Variants in TIMP4 observed in about 807,000 individuals in gnomAD.
The protein encoded by TIMP4 is metalloproteinase inhibitor 4.
Under a neutral mutation model 27.3 loss-of-function variants are expected in TIMP4, and 28 were observed. That is an observed-to-expected ratio of 1.03 (90% CI 0.76 to 1.41). The LOEUF is 1.41. Among genes scored for constraint, TIMP4 ranks in the 40% most tolerant of loss-of-function variants. TIMP4 has a pLI of 0.00. For missense variants in TIMP4, 307 were observed against 285.5 expected (o/e 1.08, Z -0.54); for synonymous variants, 138 against 115.5 (o/e 1.20, Z -1.25).
Position 12,154,378 on chromosome 3 carries a change from C to T in TIMP4, c.426G>A (p.Leu142=), listed in dbSNP as rs1559443250. The change falls in exon 4 of 5, where the codon TTG becomes TTA. Residue 142 remains leucine, a synonymous_variant. Transcript: ENST00000287814. ...GATGATTCAGACTTTCCCTCTGCAC[C>T]AAGGACAGGTCCTCCCAGGGCTCGA... The part of the protein sequence containing the change: ...NYIEPWEDLS[L]VQRESLNHHY... 1 of 1,614,180 alleles carries T rather than the reference C, an allele frequency of 6.2e-7. No homozygotes were observed. Among genetic ancestry groups the T allele is most frequent in the Non-Finnish European group, 8.5e-7 (1 of 1,180,032 alleles).
intron 4 of TIMP4, 31 bp from the exon 5 acceptor site, chr3:12,153,743 A>G (rs1413056686): frequency 6.2e-7 from 1 of 1,610,114 alleles, no homozygotes; most frequent in African/African-American, 1.3e-5. Flanking sequence ...CATTAAAGTG[A>G]GTAGGGTGTC....
chr3:12,155,299 G>T (rs1328660771), intron 3 of TIMP4, among the ~76,000 whole-genome samples: 4 of 152,334 alleles, frequency 2.6e-5, no homozygotes, highest in East Asian at 1.9e-4. Flanking sequence ...TTACACTATT[G>T]TGTGGTTCTA....
chr3:12,155,174 T>C (rs889022108), intron 3 of TIMP4, among the ~76,000 whole-genome samples: 1 of 152,224 alleles, frequency 6.6e-6, no homozygotes, highest in Non-Finnish European at 1.5e-5. Context: ...CTCAATCATT[T>C]ACTCACTGAG....
intron 2 of TIMP4, 72 bp downstream of exon 2, chr3:12,157,313 C>G (rs1179731478): frequency 8.3e-6 from 12 of 1,438,810 alleles, no homozygotes; most frequent in Non-Finnish European, 1.2e-5. Flanking sequence ...AAGCTACCAG[C>G]CCTCCCAGAA....
intron 4 of TIMP4, 83 bp downstream of exon 4, chr3:12,154,244 G>A: frequency 1.9e-6 from 3 of 1,584,008 alleles, no homozygotes; most frequent in Non-Finnish European, 1.7e-6. Context: ...GTATAGTCTA[G>A]TAAGTGAATA....
At chr3:12,157,265 G>A (rs1289962547) in intron 2 of TIMP4, 120 bp downstream of exon 2, 3 of 880,328 alleles carry the variant, frequency 3.4e-6, no homozygotes, top group African/African-American at 1.7e-5. Flanking sequence ...TTCCACTTCA[G>A]TATCTAGACC....
At chr3:12,154,190 T>G (rs1697384477) in intron 4 of TIMP4, 137 bp downstream of exon 4, 1 of 1,315,606 alleles carries the variant, frequency 7.6e-7, no homozygotes, top group African/African-American at 1.5e-5. Context: ...GCCTATAGAC[T>G]GTATTGCTTT....
At chr3:12,153,813 C>T in intron 4 of TIMP4, 101 bp from the exon 5 acceptor site, 1 of 1,273,822 alleles carries the variant, frequency 7.9e-7, no homozygotes, top group Non-Finnish European at 1.1e-6. Flanking sequence ...ATCTCAAATG[C>T]CCCCTATCTT....
rs749576647 is a variant in TIMP4 at position 12,157,453 on chromosome 3, C to G, written c.169G>C (p.Val57Leu). ...VIRAKISSEK[V>L]VPASADPADT... ...GCAGGGTCTGCACTGGCCGGAACTA[C>G]CTTCTCACTGGAGATTTTGGCCCGA... The change falls in exon 2 of 5, where the codon GTA becomes CTA. Residue 57 changes from valine to leucine, a missense_variant. Physicochemically the swap from Val to Leu is conservative, Grantham distance 32. Coordinates refer to ENST00000287814, the MANE Select transcript of TIMP4 (RefSeq NM_003256.4). 6.2e-7 allele frequency: 1 copy of G among 1,614,188 alleles called. No individual in the cohort carries two copies. Among genetic ancestry groups the G allele is most frequent in the South Asian group, 1.1e-5 (1 of 91,084 alleles).
At chr3:12,158,077 G>T (rs1697510199) in intron 1 of TIMP4, among the ~76,000 whole-genome samples, 1 of 152,102 alleles carries the variant, frequency 6.6e-6, no homozygotes, top group African/African-American at 2.4e-5. Flanking sequence ...TGATCTAGTG[G>T]AGTGCACACG....
intron 4 of TIMP4, 43 bp downstream of exon 4, chr3:12,154,284 C>T (rs1280688964): frequency 1.9e-6 from 3 of 1,613,494 alleles, no homozygotes; most frequent in Admixed American, 3.3e-5. Flanking sequence ...GCTCAGAACC[C>T]TTCCCCCATC....
intron 3 of TIMP4, among the ~76,000 whole-genome samples, chr3:12,155,699 A>C (rs6801376): frequency 1.3e-5 from 2 of 152,036 alleles, no homozygotes; most frequent in Non-Finnish European, 2.9e-5. Flanking sequence ...TTCTTAGACT[A>C]TTTTTTGTCA....
chr3:12,158,686 C>G lies in TIMP4; in HGVS notation c.139+16G>C. ...CAACCACCCCCTGCTGTGGACCTCG[C>G]GGACCTCGGACTCACCAAGTGCCGA... On this transcript the variant is annotated intron_variant, in intron 1 of 4. Coordinates refer to ENST00000287814, the MANE Select transcript of TIMP4 (RefSeq NM_003256.4). 1 of 1,609,096 alleles carries G rather than the reference C, an allele frequency of 6.2e-7. No homozygotes were observed. The highest frequency in any genetic ancestry group is 8.5e-7 in the Non-Finnish European group (1 of 1,179,282).
chr3:12,154,514 A>T (rs1298916098), intron 3 of TIMP4, 63 bp from the exon 4 acceptor site: 5 of 1,586,120 alleles, frequency 3.2e-6, no homozygotes, highest in Non-Finnish European at 4.3e-6. Context: ...CCAGGGGCCC[A>T]GGTCCTTGAA....
intron 1 of TIMP4, among the ~76,000 whole-genome samples, chr3:12,157,852 G>A (rs913472057): frequency 1.3e-5 from 2 of 152,182 alleles, no homozygotes; most frequent in African/African-American, 4.8e-5. Flanking sequence ...ATCTATTGCT[G>A]TGGTCAAGGC....
intron 1 of TIMP4, 45 bp downstream of exon 1, chr3:12,158,657 C>G: frequency 6.2e-7 from 1 of 1,604,886 alleles, no homozygotes; most frequent in East Asian, 2.2e-5. Flanking sequence ...ATACTAATCC[C>G]CCACAACCAC....
At chr3:12,157,817 C>T (rs1312328319) in intron 1 of TIMP4, among the ~76,000 whole-genome samples, 2 of 152,140 alleles carry the variant, frequency 1.3e-5, no homozygotes, top group African/African-American at 4.8e-5. Flanking sequence ...GGAGGAGCCC[C>T]TTCAGGGCAG....
In TIMP4 at chr3:12,157,466, GATTTT is replaced by G; in HGVS notation, c.151_155del (p.Lys51LeufsTer3). On this transcript the variant is annotated frameshift_variant, in exon 2 of 5. Transcript: ENST00000287814. LOFTEE classifies it high-confidence loss of function. ...TGGCCGGAACTACCTTCTCACTGGA[GATTTT>G]GGCCCGAATCACTGCATAGGAAGAG... 6.2e-7 allele frequency: 1 copy of G among 1,614,180 alleles called. No individual in the cohort carries two copies. The highest frequency in any genetic ancestry group is 8.5e-7 in the Non-Finnish European group (1 of 1,180,018).
chr3:12,153,816 C>G (rs1039068725), intron 4 of TIMP4, 104 bp from the exon 5 acceptor site: 5 of 1,247,660 alleles, frequency 4.0e-6, no homozygotes, highest in Non-Finnish European at 5.7e-6. Context: ...TCAAATGCCC[C>G]CTATCTTATC....
Sources: allele counts gnomAD v4.1 joint callset (sites outside exome capture counted in the v4.1 genomes callset), GRCh38; gene constraint gnomAD v4.1.1; transcripts MANE v1.5; gene names NCBI Gene and HGNC (gene_info 2026-07-23, HGNC 2026-07-21).